Variants in EIF2B3 observed in about 807,000 individuals in gnomAD.
EIF2B3 encodes translation initiation factor eIF2B subunit gamma.
Under a neutral mutation model 54.1 loss-of-function variants are expected in EIF2B3, and 20 were observed. That is an observed-to-expected ratio of 0.37 (90% CI 0.26 to 0.54). EIF2B3 has a LOEUF of 0.54. EIF2B3 is among the 20% of genes least tolerant of loss of function. EIF2B3 has a pLI of 0.86. For synonymous variants in EIF2B3, 153 were observed against 188.1 expected, an observed-to-expected ratio of 0.81 and a Z score of 1.52; for missense variants, 448 against 547.8, an observed-to-expected ratio of 0.82 and a Z score of 1.82.
At chr1:44,936,938 G>A (rs1643954510) in intron 4 of EIF2B3, among the ~76,000 whole-genome samples, 1 of 152,060 alleles carries the variant, frequency 6.6e-6, no homozygotes, top group Non-Finnish European at 1.5e-5. Context: ...TACAACAGAA[G>A]AAAATGAAAT....
At chr1:44,901,913 A>G (rs12084076) in intron 5 of EIF2B3, among the ~76,000 whole-genome samples, 1 of 152,088 alleles carries the variant, frequency 6.6e-6, no homozygotes, top group African/African-American at 2.4e-5. Context: ...TTTAAGAAAT[A>G]AAATCTATAC....
intron 11 of EIF2B3, among the ~76,000 whole-genome samples, chr1:44,856,880 C>T (rs1005641920): frequency 3.3e-5 from 5 of 152,332 alleles, no homozygotes; most frequent in Admixed American, 2.0e-4. Context: ...TCTCAGCTCA[C>T]TGCAGCCTTG....
chr1:44,969,185 A>C (rs1040654971), intron 3 of EIF2B3, among the ~76,000 whole-genome samples: 7 of 152,210 alleles, frequency 4.6e-5, no homozygotes, highest in African/African-American at 1.7e-4. Flanking sequence ...TGCCTTGCCA[A>C]AAATTCAAAC....
chr1:44,879,891 TAGC>T lies in EIF2B3; in HGVS notation c.899_901del (p.Cys300del). The T allele has an allele frequency of 6.2e-7, 1 of 1,614,178 alleles. No homozygotes were observed. ...GAGCCCCTCTTTCATGATGTGGACA[TAGC>T]AGCGCACCTGTGATCTGGACAAGTC... On this transcript the variant is annotated inframe_deletion, in exon 8 of 12. Coordinates refer to ENST00000360403, the MANE Select transcript of EIF2B3 (RefSeq NM_020365.5).
chr1:44,911,831 A>AT (rs1643522454), intron 5 of EIF2B3, among the ~76,000 whole-genome samples: 1 of 150,130 alleles, frequency 6.7e-6, no homozygotes, highest in Admixed American at 6.6e-5. Flanking sequence ...AGCATTAGGT[A>AT]TATCTCCCAA....
At chr1:44,877,209 A>AAAAC (rs1557666535) in intron 8 of EIF2B3, among the ~76,000 whole-genome samples, 54 of 147,924 alleles carry the variant, frequency 3.7e-4, no homozygotes, top group African/African-American at 1.3e-3. Context: ...AAAAAAAAAA[A>AAAAC]AAAAAAAAAA....
intron 10 of EIF2B3, among the ~76,000 whole-genome samples, chr1:44,859,686 G>T (rs1266954638): frequency 2.0e-5 from 3 of 152,024 alleles, no homozygotes; most frequent in Non-Finnish European, 4.4e-5. Flanking sequence ...AAAGAAAAAA[G>T]AAATTTATGA....
intron 4 of EIF2B3, among the ~76,000 whole-genome samples, chr1:44,938,928 T>G (rs1332338666): frequency 6.6e-6 from 1 of 151,712 alleles, no homozygotes; most frequent in Non-Finnish European, 1.5e-5. Flanking sequence ...TGTGAAACCC[T>G]GTGCCTACAA....
chr1:44,896,538 T>G (rs1466794285), intron 6 of EIF2B3, among the ~76,000 whole-genome samples: 1 of 152,230 alleles, frequency 6.6e-6, no homozygotes, highest in Non-Finnish European at 1.5e-5. Flanking sequence ...CGGAGATACC[T>G]CTTGCTACTG....
chr1:44,938,897 C>A (rs919221214), intron 4 of EIF2B3, among the ~76,000 whole-genome samples: 4 of 150,700 alleles, frequency 2.7e-5, no homozygotes, highest in Admixed American at 1.3e-4. Context: ...CTCAAGAGTT[C>A]GAGGCCAGCC....
At chr1:44,973,633 G>A (rs1644424112) in intron 3 of EIF2B3, among the ~76,000 whole-genome samples, 1 of 152,122 alleles carries the variant, frequency 6.6e-6, no homozygotes, top group African/African-American at 2.4e-5. Context: ...GAACCTGGGA[G>A]GTAGAGGCTG....
chr1:44,904,674 C>T (rs551884901), intron 5 of EIF2B3, among the ~76,000 whole-genome samples: 27 of 152,240 alleles, frequency 1.8e-4, no homozygotes, highest in Middle Eastern at 3.4e-3. Context: ...CCACCGTGCC[C>T]GGCTAATTTT....
chr1:44,883,555 T>G (rs1336721279), intron 6 of EIF2B3, among the ~76,000 whole-genome samples: 2 of 152,152 alleles, frequency 1.3e-5, no homozygotes, highest in Non-Finnish European at 2.9e-5. Context: ...AGCAGAGGAC[T>G]GGTTTCCACA....
chr1:44,951,810 C>T (rs1385041204), intron 3 of EIF2B3, among the ~76,000 whole-genome samples: 7 of 143,086 alleles, frequency 4.9e-5, no homozygotes, highest in South Asian at 2.2e-4. Context: ...TTTTTTGAGA[C>T]GGGGTCTCGC....
chr1:44,940,392 T>A (rs1644007050), intron 4 of EIF2B3, among the ~76,000 whole-genome samples: 1 of 152,074 alleles, frequency 6.6e-6, no homozygotes, highest in African/African-American at 2.4e-5. Context: ...AAAGGACTAC[T>A]AGAATCCTAG....
At chr1:44,921,251 A>G (rs1473674769) in intron 5 of EIF2B3, among the ~76,000 whole-genome samples, 1 of 152,152 alleles carries the variant, frequency 6.6e-6, no homozygotes, top group Non-Finnish European at 1.5e-5. Context: ...GTTTTCTCCT[A>G]TAGAGTTGTT....
At chr1:44,957,621 C>T (rs796952652) in intron 3 of EIF2B3, among the ~76,000 whole-genome samples, 24 of 151,772 alleles carry the variant, frequency 1.6e-4, no homozygotes, top group African/African-American at 5.3e-4. Context: ...ATCAGCTGGG[C>T]GTGGTGGCAT....
At position 44,936,148 on chromosome 1, in the gene EIF2B3, C is replaced by T. The variant is rs551689739; in HGVS notation, c.454+5358G>A. Among the ~76,000 whole-genome samples the T allele has an allele frequency of 2.0e-3, 308 of 152,198 alleles. 1 individual carries two copies. Among genetic ancestry groups the T allele is most frequent in the South Asian group, 8.1e-3 (39 of 4,812 alleles). ...CTCAGAGTTTAGAACCCCATTTCCC[C>T]GCACAGCCTTAGCTGGGTTTCTGGG... On this transcript the variant is annotated intron_variant, in intron 4 of 11. Transcript: ENST00000360403.
chr1:44,942,195 T>G (rs1394161287), intron 3 of EIF2B3, among the ~76,000 whole-genome samples: 1 of 151,072 alleles, frequency 6.6e-6, no homozygotes, highest in East Asian at 2.0e-4. Context: ...CTTATAAAAA[T>G]AGCATAAGAA....
Sources: gnomAD v4.1 joint callset for allele counts (sites outside exome capture counted in the v4.1 genomes callset) on GRCh38, gnomAD v4.1.1 for gene constraint, MANE v1.5 for transcripts, NCBI Gene and HGNC (gene_info 2026-07-23, HGNC 2026-07-21) for gene names.